TF: variants seen among roughly 807,000 people sequenced by gnomAD.
TF encodes transferrin.
TF carries 55 observed loss-of-function variants against 82.4 expected under a neutral mutation model. The observed-to-expected ratio is 0.67, with a 90% CI of 0.54 to 0.84. TF has a LOEUF of 0.84. Ranked by LOEUF, TF falls within the 40% of genes least tolerant of loss-of-function variation. The pLI is 0.00. For missense variants in TF, 737 were observed against 868.4 expected, an observed-to-expected ratio of 0.85 and a Z score of 1.90; for synonymous variants, 332 against 332.6, an observed-to-expected ratio of 1.00 and a Z score of 0.02.
intron 5 of TF, 159 bp downstream of exon 5, chr3:133,755,654 G>C: frequency 2.1e-6 from 2 of 936,710 alleles, no homozygotes; most frequent in Non-Finnish European, 3.3e-6. Flanking sequence ...GGGACTCCTA[G>C]GCCAAGCCAG....
chr3:133,759,808 G>C (rs1362615078), intron 9 of TF, among the ~76,000 whole-genome samples: 4 of 152,150 alleles, frequency 2.6e-5, no homozygotes, highest in Non-Finnish European at 5.9e-5. Flanking sequence ...AACTTAGCAG[G>C]ACCTTGTCTC....
rs536300313 is a variant in TF, at chr3:133,788,402, T to G, written c.*9782T>G. The G allele has an allele frequency of 5.9e-5, 9 of 152,350 alleles. No individual in the cohort carries two copies. The highest frequency in any genetic ancestry group is 1.3e-4 in the Non-Finnish European group (9 of 68,032). 9.4% of individuals were successfully genotyped at this position (152,350 alleles called of 1,614,324 possible). A position where few individuals can be genotyped will look rare whatever the true frequency, so the allele number is the denominator to read the frequency against. On this transcript the variant is annotated 3_prime_UTR_variant, in exon 17 of 17. Transcript: ENST00000402696. ...CGAGAAAATTCTGTAACTGGGCTCTTGAGCCCCTAAGCACAGGCCTTCTCC... is the reference window on the plus strand; with the variant it reads ...CGAGAAAATTCTGTAACTGGGCTCTGGAGCCCCTAAGCACAGGCCTTCTCC...
chr3:133,768,784 ATTTTT>A (rs5852766), intron 13 of TF, among the ~76,000 whole-genome samples: 6 of 82,154 alleles, frequency 7.3e-5, no homozygotes, highest in Admixed American at 3.4e-4. Flanking sequence ...GTACCTTGCT[ATTTTT>A]TTTTTTTTTT....
At chr3:133,747,870 A>G (rs1026182020) in intron 1 of TF, among the ~76,000 whole-genome samples, 49 of 152,098 alleles carry the variant, frequency 3.2e-4, no homozygotes, top group Non-Finnish European at 5.9e-5. Flanking sequence ...TAGCAGACCC[A>G]GAGTCTGGAG....
chr3:133,698,343 C>A, the TF span, among the ~76,000 whole-genome samples: 40 of 152,350 alleles, frequency 2.6e-4, no homozygotes, highest in African/African-American at 8.2e-4. Context: ...CATCCAGTAA[C>A]ACATCTGTAT....
chr3:133,752,570 A>G (rs953348697), intron 2 of TF, among the ~76,000 whole-genome samples: 1 of 151,920 alleles, frequency 6.6e-6, no homozygotes, highest in Admixed American at 6.6e-5. Context: ...AAGAAAATAA[A>G]TTATAGATCT....
the TF span, among the ~76,000 whole-genome samples, chr3:133,711,174 C>T: frequency 1.6e-4 from 25 of 152,278 alleles, no homozygotes; most frequent in African/African-American, 4.3e-4. Flanking sequence ...CCAATCTCAA[C>T]GGAATCCCCA....
chr3:133,757,727 T>C (rs1435265168), intron 7 of TF, 42 bp from the exon 8 acceptor site: 7 of 1,572,336 alleles, frequency 4.5e-6, no homozygotes, highest in Non-Finnish European at 6.1e-6. Flanking sequence ...CAGCCTCCTT[T>C]CTTCTGTGTT....
intron 2 of TF, among the ~76,000 whole-genome samples, chr3:133,751,616 A>C (rs1162019900): frequency 6.6e-6 from 1 of 152,214 alleles, no homozygotes; most frequent in Non-Finnish European, 1.5e-5. Context: ...AAAGAGTTTC[A>C]GTTTCTGGAG....
chr3:133,740,493 G>A, the TF span, among the ~76,000 whole-genome samples: 1 of 152,038 alleles, frequency 6.6e-6, no homozygotes, highest in Non-Finnish European at 1.5e-5. Context: ...ACCATGCCCG[G>A]CTAATTTTTG....
chr3:133,727,858 A>G, the TF span, among the ~76,000 whole-genome samples: 5 of 138,828 alleles, frequency 3.6e-5, no homozygotes, highest in Admixed American at 1.5e-4. Flanking sequence ...CTGTGGTGAC[A>G]AAATCTCTCA....
the TF span, among the ~76,000 whole-genome samples, chr3:133,732,088 G>A: frequency 6.6e-6 from 1 of 152,120 alleles, no homozygotes; most frequent in Non-Finnish European, 1.5e-5. Context: ...TGTGCACATG[G>A]GACTTAGAAG....
chr3:133,724,773 G>A, the TF span, among the ~76,000 whole-genome samples: 1 of 152,182 alleles, frequency 6.6e-6, no homozygotes, highest in African/African-American at 2.4e-5. Context: ...TTCTTCTAGG[G>A]ATTTTATGGT....
At chr3:133,678,646 G>T in the TF span, among the ~76,000 whole-genome samples, 1 of 152,062 alleles carries the variant, frequency 6.6e-6, no homozygotes, top group Non-Finnish European at 1.5e-5. Context: ...TTTGTTGGCC[G>T]CATAAATGTC....
chr3:133,721,558 C>A, the TF span, among the ~76,000 whole-genome samples: 2 of 152,154 alleles, frequency 1.3e-5, no homozygotes, highest in African/African-American at 4.8e-5. Context: ...GCATACTTTG[C>A]AGCTGTTGGA....
rs1576354336 is a variant in TF, at chr3:133,748,500, T to C, written c.132T>C (p.His44=). 6.2e-7 allele frequency: 1 copy of C among 1,614,148 alleles called. No individual in the cohort carries two copies. The highest frequency in any genetic ancestry group is 8.5e-7 in the Non-Finnish European group (1 of 1,180,040). ...EATKCQSFRD[H]MKSVIPSDGP... ...CTAAGTGCCAGAGTTTCCGCGACCATATGAAAAGCGTCATTCCATCCGATG... is the reference window on the plus strand; with the variant it reads ...CTAAGTGCCAGAGTTTCCGCGACCACATGAAAAGCGTCATTCCATCCGATG... Residue 44 remains histidine, a synonymous_variant, in exon 2 of 17, where the codon CAT becomes CAC. Transcript: ENST00000402696.
chr3:133,734,301 C>A, the TF span, among the ~76,000 whole-genome samples: 1 of 152,158 alleles, frequency 6.6e-6, no homozygotes, highest in African/African-American at 2.4e-5. Flanking sequence ...AGGTTACGTC[C>A]GTCACCTTAG....
At position 133,769,072 on chromosome 3, in the gene TF, G is replaced by C. The variant is rs577860570; in HGVS notation, c.1622+908G>C. 2.1e-4 allele frequency among the ~76,000 whole-genome samples: 32 copies of C among 152,296 alleles called. No individual in the cohort carries two copies. The East Asian group carries it at 3.9e-3, about 18-fold the overall frequency. On this transcript the variant is annotated intron_variant, in intron 13 of 16. Coordinates refer to ENST00000402696, the MANE Select transcript of TF (RefSeq NM_001063.4). ...GCCTCCCAAAGTGCTGGTACTCACAGGCGTGGGCCACGTCTGGCCCTACCT... is the reference window on the plus strand; with the variant it reads ...GCCTCCCAAAGTGCTGGTACTCACACGCGTGGGCCACGTCTGGCCCTACCT...
At chr3:133,742,466 A>AAG (rs567759993), upstream of TF, among the ~76,000 whole-genome samples, 8 of 128,108 alleles carry the variant, frequency 6.2e-5, no homozygotes, top group East Asian at 4.1e-4. Context: ...GAGAGAGAGA[A>AAG]AGAGAGAGAG....
Sources: allele counts gnomAD v4.1 joint callset (sites outside exome capture counted in the v4.1 genomes callset), GRCh38; gene constraint gnomAD v4.1.1; transcripts MANE v1.5; gene names NCBI Gene and HGNC (gene_info 2026-07-23, HGNC 2026-07-21).